The following PPP2R2B variants were observed in gnomAD, a reference collection of about 807,000 sequenced individuals.
PPP2R2B encodes protein phosphatase 2 regulatory subunit Bbeta.
A neutral mutation model predicts 46.0 loss-of-function variants in PPP2R2B; 5 were observed. The ratio of observed to expected loss-of-function variants is 0.11; its 90% CI spans 0.06 to 0.23. PPP2R2B has a LOEUF of 0.23. Ranked by LOEUF, PPP2R2B falls within the 10% of genes least tolerant of loss-of-function variation. The probability of loss-of-function intolerance (pLI) is 1.00; values close to 1 mark genes in which losing one functional copy is unlikely to be tolerated. For synonymous variants in PPP2R2B, 215 were observed against 206.7 expected (o/e 1.04, Z -0.34); for missense variants, 367 against 575.0 (o/e 0.64, Z 3.70).
intron 1 of PPP2R2B, among the ~76,000 whole-genome samples, chr5:147,032,515 C>G (rs925517809): frequency 2.0e-5 from 3 of 152,038 alleles, no homozygotes; most frequent in African/African-American, 7.2e-5. Flanking sequence ...CCCCCTCTCC[C>G]TCTTTCCCCC....
intron 2 of PPP2R2B, among the ~76,000 whole-genome samples, chr5:146,752,589 T>C (rs574932002): frequency 1.3e-3 from 194 of 152,316 alleles, no homozygotes; most frequent in African/African-American, 4.3e-3. Flanking sequence ...GCCTGGATCT[T>C]GAAATAAGAT....
intron 1 of PPP2R2B, among the ~76,000 whole-genome samples, chr5:146,920,108 A>G (rs1466431564): frequency 6.6e-6 from 1 of 152,334 alleles, no homozygotes; most frequent in East Asian, 1.9e-4. Context: ...CAGGCCGTAC[A>G]TGAAGGTTAT....
chr5:146,698,083 T>G lies in PPP2R2B; in HGVS notation c.230A>C (p.Glu77Ala). The change falls in exon 4 of 10, where the codon GAA becomes GCA. Residue 77 changes from glutamate (E) to alanine (A), a missense_variant. By Grantham distance (107) the Glu-to-Ala change is moderately radical (BLOSUM62 -1). Transcript: ENST00000394411. ...ACTCTTCAGGTAATCGAACTCGGGT[T>G]CATGGCTCTGGAATGTGCTGTAAAC... ...YNVYSTFQSH[E>A]PEFDYLKSLE... The G allele has an allele frequency of 6.2e-7, 1 of 1,613,202 alleles. No individual in the cohort carries two copies. Among genetic ancestry groups the G allele is most frequent in the Non-Finnish European group, 8.5e-7 (1 of 1,179,646 alleles).
chr5:146,784,744 T>C (rs1755735018), intron 2 of PPP2R2B, among the ~76,000 whole-genome samples: 1 of 152,198 alleles, frequency 6.6e-6, no homozygotes. Context: ...TAAAACATTG[T>C]CCATTTTTCT....
At chr5:146,767,990 C>A (rs1754595749) in intron 2 of PPP2R2B, among the ~76,000 whole-genome samples, 1 of 152,086 alleles carries the variant, frequency 6.6e-6, no homozygotes, top group East Asian at 1.9e-4. Context: ...TACCTGAGGT[C>A]CTCTGGGGAA....
intron 1 of PPP2R2B, among the ~76,000 whole-genome samples, chr5:147,051,077 C>A (rs1047847821): frequency 2.6e-5 from 4 of 152,084 alleles, no homozygotes; most frequent in Admixed American, 2.0e-4. Flanking sequence ...ATTCCTGTGC[C>A]CAAGTAGCTT....
intron 2 of PPP2R2B, among the ~76,000 whole-genome samples, chr5:147,065,568 T>C (rs945201825): frequency 6.6e-6 from 1 of 150,962 alleles, no homozygotes; most frequent in South Asian, 2.1e-4. Flanking sequence ...AGAGGGGGAG[T>C]AAGCCAAAGA....
At chr5:147,050,815 G>A (rs1756774124) in intron 1 of PPP2R2B, among the ~76,000 whole-genome samples, 1 of 152,010 alleles carries the variant, frequency 6.6e-6, no homozygotes, top group Admixed American at 6.6e-5. Flanking sequence ...AAAATATGAT[G>A]TTATTTTTCC....
At chr5:146,769,092 G>T (rs909567480) in intron 2 of PPP2R2B, among the ~76,000 whole-genome samples, 9 of 152,120 alleles carry the variant, frequency 5.9e-5, no homozygotes, top group Non-Finnish European at 8.8e-5. Context: ...TGGCCAGGCT[G>T]GTCTTGAACT....
At chr5:146,632,995 C>T (rs374353105) in intron 7 of PPP2R2B, among the ~76,000 whole-genome samples, 1 of 152,040 alleles carries the variant, frequency 6.6e-6, no homozygotes, top group African/African-American at 2.4e-5. Context: ...TTACACCTGG[C>T]CAGTTTCTTC....
intron 1 of PPP2R2B, among the ~76,000 whole-genome samples, chr5:146,898,116 C>T (rs1387890025): frequency 3.3e-5 from 5 of 152,116 alleles, no homozygotes; most frequent in African/African-American, 7.2e-5. Context: ...ACCAGGGAAG[C>T]GGAGGTTGCA....
rs140911536 is a variant in PPP2R2B at position 146,925,809 on chromosome 5, G to C, written c.79+129856C>G. Among the ~76,000 whole-genome samples, 436 of 152,156 alleles carry C rather than the reference G, an allele frequency of 2.9e-3. 2 individuals carry two copies. Among genetic ancestry groups the C allele is most frequent in the African/African-American group, 0.01 (428 of 41,530 alleles). ...GCTTGAGCTTGTCCCACAGGTTTTTGAGGGCCTGTTAATTTTACTGCAGTC... is the reference window on the plus strand; with the variant it reads ...GCTTGAGCTTGTCCCACAGGTTTTTCAGGGCCTGTTAATTTTACTGCAGTC... On this transcript the variant is annotated intron_variant, in intron 1 of 8. Transcript: ENST00000336640.
intron 1 of PPP2R2B, among the ~76,000 whole-genome samples, chr5:147,006,360 G>C (rs184014148): frequency 6.6e-5 from 10 of 152,266 alleles, no homozygotes; most frequent in African/African-American, 2.2e-4. Flanking sequence ...TAATAGCAAA[G>C]AATAATTGGA....
chr5:146,737,140 A>G (rs1752582165), intron 2 of PPP2R2B, among the ~76,000 whole-genome samples: 1 of 152,190 alleles, frequency 6.6e-6, no homozygotes, highest in Non-Finnish European at 1.5e-5. Context: ...TTGACTAGCC[A>G]CATTTCAAGG....
rs80125615 is a variant in PPP2R2B, at chr5:146,776,558, T to C, written c.71-75416A>G. 6.4e-3 allele frequency among the ~76,000 whole-genome samples: 972 copies of C among 152,124 alleles called. 12 individuals are homozygous for C. The highest frequency in any genetic ancestry group is 0.022 in the African/African-American group (929 of 41,534). ...AAACTATAAAACTGTTGCAAGAAAA[T>C]ATAATGGCAAATGTGTATTATGTCA... On this transcript the variant is annotated intron_variant, in intron 2 of 9. Coordinates refer to ENST00000394411, the MANE Select transcript of PPP2R2B (RefSeq NM_181675.4).
intron 5 of PPP2R2B, among the ~76,000 whole-genome samples, chr5:146,655,048 G>A (rs1181947268): frequency 1.3e-5 from 2 of 152,220 alleles, no homozygotes; most frequent in Non-Finnish European, 2.9e-5. Flanking sequence ...CCCTCTGAGC[G>A]GTCAGTCCTT....
chr5:146,945,358 A>T (rs907336147), intron 1 of PPP2R2B, among the ~76,000 whole-genome samples: 7 of 152,214 alleles, frequency 4.6e-5, no homozygotes, highest in Non-Finnish European at 7.3e-5. Flanking sequence ...AACTGGGTGG[A>T]TAATTATTAA....
At chr5:146,975,052 A>G in intron 1 of PPP2R2B, among the ~76,000 whole-genome samples, 1 of 152,176 alleles carries the variant, frequency 6.6e-6, no homozygotes, top group Non-Finnish European at 1.5e-5. Flanking sequence ...AGAATGTACC[A>G]TTTAAATACA....
intron 2 of PPP2R2B, among the ~76,000 whole-genome samples, chr5:146,853,559 C>T (rs868266291): frequency 2.1e-4 from 32 of 152,174 alleles, no homozygotes; most frequent in African/African-American, 7.7e-4. Flanking sequence ...AATAATGATG[C>T]CTACCTCAAA....
Sources: gnomAD v4.1 joint callset for allele counts (sites outside exome capture counted in the v4.1 genomes callset) on GRCh38, gnomAD v4.1.1 for gene constraint, MANE v1.5 for transcripts, NCBI Gene and HGNC (gene_info 2026-07-23, HGNC 2026-07-21) for gene names.